Variants in C16orf74 observed in about 807,000 individuals in gnomAD.
C16orf74 encodes calcimembrin.
A neutral mutation model predicts 6.5 loss-of-function variants in C16orf74; 10 were observed. The observed-to-expected ratio is 1.54, with a 90% CI of 0.95 to 2.61. The LOEUF (loss-of-function observed/expected upper bound fraction) is 2.61. Ranked by LOEUF, C16orf74 falls within the 30% of genes most tolerant of loss-of-function variation. The pLI is 0.00. For missense variants in C16orf74, 141 were observed against 105.9 expected (o/e 1.33, Z -1.45); for synonymous variants, 60 against 42.5 (o/e 1.41, Z -1.60).
chr16:85,727,866 C>T (rs934762625), intron 2 of C16orf74, among the ~76,000 whole-genome samples: 2 of 146,772 alleles, frequency 1.4e-5, no homozygotes, highest in Non-Finnish European at 1.5e-5. Flanking sequence ...TGGCCGGGTG[C>T]GGTGGCTCAT....
chr16:85,741,849 G>C (rs1420298420), intron 1 of C16orf74: 1 of 161,836 alleles, frequency 6.2e-6, no homozygotes, highest in African/African-American at 2.4e-5. Context: ...GCCTGGGACA[G>C]AGTTGTCACC....
intron 1 of C16orf74, among the ~76,000 whole-genome samples, chr16:85,737,615 A>G (rs562940328): frequency 6.6e-6 from 1 of 152,272 alleles, no homozygotes; most frequent in Non-Finnish European, 1.5e-5. Context: ...AGATCACCTG[A>G]GGTCAGGAGT....
At chr16:85,740,124 C>A (rs905583243) in intron 1 of C16orf74, among the ~76,000 whole-genome samples, 1 of 141,742 alleles carries the variant, frequency 7.1e-6, no homozygotes, top group Non-Finnish European at 1.5e-5. Flanking sequence ...GCAGGAGAAT[C>A]GCTTGAACCC....
chr16:85,749,689 C>T (rs2152067979), intron 1 of C16orf74, among the ~76,000 whole-genome samples: 1 of 152,368 alleles, frequency 6.6e-6, no homozygotes, highest in Middle Eastern at 3.4e-3. Context: ...GCTCCGTAAG[C>T]ATGAACTATC....
chr16:85,708,243 G>C (rs1272063876), intron 3 of C16orf74, among the ~76,000 whole-genome samples, 177 bp from the exon 4 acceptor site: 1 of 152,174 alleles, frequency 6.6e-6, no homozygotes, highest in African/African-American at 2.4e-5. Flanking sequence ...TCGGACCCCG[G>C]AACTGCTTCA....
At chr16:85,744,631 C>T (rs915141422) in intron 1 of C16orf74, among the ~76,000 whole-genome samples, 2 of 151,834 alleles carry the variant, frequency 1.3e-5, no homozygotes, top group East Asian at 2.0e-4. Flanking sequence ...GAGATCGAGA[C>T]CATCCTGGCT....
intron 2 of C16orf74, among the ~76,000 whole-genome samples, chr16:85,721,925 C>T (rs912994916): frequency 2.6e-5 from 4 of 150,978 alleles, no homozygotes; most frequent in Non-Finnish European, 4.4e-5. Flanking sequence ...GGGTTATCAG[C>T]GCTAACAATT....
chr16:85,734,807 G>A lies in C16orf74; in HGVS notation c.28+383C>T, dbSNP rs535073077. Among the ~76,000 whole-genome samples, 16 of 152,260 alleles carry A rather than the reference G, an allele frequency of 1.1e-4. No homozygotes were observed. The East Asian group carries it at 1.9e-3, about 18-fold the overall frequency. On this transcript the variant is annotated intron_variant, in intron 2 of 3. Coordinates refer to ENST00000284245, the MANE Select transcript of C16orf74 (RefSeq NM_206967.3). Reference sequence around the variant, plus strand: ...TGGCCTTCTCTCCTACCACCTGGACGCTGGACCTCCTGTCTGGGTGATAAC... The same window carrying A: ...TGGCCTTCTCTCCTACCACCTGGACACTGGACCTCCTGTCTGGGTGATAAC...
chr16:85,708,428 T>TA (rs1489133654), intron 3 of C16orf74, among the ~76,000 whole-genome samples: 1 of 152,136 alleles, frequency 6.6e-6, no homozygotes, highest in Non-Finnish European at 1.5e-5. Flanking sequence ...ACAGCCGAGC[T>TA]AAGGACCTGC....
At chr16:85,715,981 C>A (rs554806527) in intron 2 of C16orf74, among the ~76,000 whole-genome samples, 1 of 143,894 alleles carries the variant, frequency 6.9e-6, no homozygotes, top group Non-Finnish European at 1.5e-5. Flanking sequence ...GAGCTCCTTG[C>A]GGAGGCCCCC....
chr16:85,711,515 C>T (rs1310650731), intron 2 of C16orf74, among the ~76,000 whole-genome samples: 7 of 149,682 alleles, frequency 4.7e-5, no homozygotes, highest in South Asian at 4.2e-4. Context: ...CCCAGCTACT[C>T]GGGAGGCTGA....
chr16:85,733,231 C>G (rs950585880), intron 2 of C16orf74, among the ~76,000 whole-genome samples: 17 of 152,214 alleles, frequency 1.1e-4, no homozygotes, highest in African/African-American at 4.1e-4. Context: ...TGAAAAGGAA[C>G]GAAGCAGTGA....
chr16:85,748,424 C>T (rs990776884), intron 1 of C16orf74, among the ~76,000 whole-genome samples: 2 of 151,838 alleles, frequency 1.3e-5, no homozygotes, highest in Non-Finnish European at 2.9e-5. Context: ...AGGGCGAAAC[C>T]CCATCTCTAC....
At chr16:85,710,500 C>CA in intron 2 of C16orf74, 193 bp from the exon 3 acceptor site, 1 of 522,606 alleles carries the variant, frequency 1.9e-6, no homozygotes, top group African/African-American at 2.0e-5. Context: ...GAGCCCTTGT[C>CA]ACATCTCACA....
At chr16:85,717,954 C>A (rs1404392476) in intron 2 of C16orf74, among the ~76,000 whole-genome samples, 1 of 152,200 alleles carries the variant, frequency 6.6e-6, no homozygotes, top group East Asian at 1.9e-4. Flanking sequence ...TCCCTGGGGT[C>A]AGGGCACCAT....
chr16:85,742,724 A>G (rs941420550), intron 1 of C16orf74, among the ~76,000 whole-genome samples: 2 of 152,110 alleles, frequency 1.3e-5, no homozygotes, highest in Admixed American at 6.5e-5. Flanking sequence ...TATTTTTAGT[A>G]GAGATGGGGT....
At chr16:85,726,147 T>G (rs1482444179) in intron 2 of C16orf74, among the ~76,000 whole-genome samples, 2 of 151,652 alleles carry the variant, frequency 1.3e-5, no homozygotes, top group African/African-American at 2.4e-5. Context: ...TCCCCTCGAC[T>G]GCACCTCCTT....
At chr16:85,738,951 G>C (rs2054273943) in intron 1 of C16orf74, among the ~76,000 whole-genome samples, 1 of 151,190 alleles carries the variant, frequency 6.6e-6, no homozygotes, top group Admixed American at 6.6e-5. Flanking sequence ...GCAAGTGACA[G>C]AACAGGGATT....
Position 85,707,804 on chromosome 16 carries a change from T to A in C16orf74, c.*204A>T, listed in dbSNP as rs531703706. The A allele has an allele frequency of 1.9e-5, 11 of 583,206 alleles. No homozygotes were observed. The East Asian group carries it at 3.3e-4, about 17-fold the overall frequency. The allele number at this position is 583,206 out of a possible 1,614,324, so 36.1% of individuals were successfully genotyped here. ...TGGAGGTGTCAGAGGTCCGGTCCAC[T>A]CAGCGGGGCCTGGGAAACACTGTTC... On this transcript the variant is annotated 3_prime_UTR_variant, in exon 4 of 4. Coordinates refer to ENST00000284245, the MANE Select transcript of C16orf74 (RefSeq NM_206967.3).
Sources: allele counts gnomAD v4.1 joint callset (sites outside exome capture counted in the v4.1 genomes callset), GRCh38; gene constraint gnomAD v4.1.1; transcripts MANE v1.5; gene names NCBI Gene and HGNC (gene_info 2026-07-23, HGNC 2026-07-21).